WWC2: variants seen among roughly 807,000 people sequenced by gnomAD.
WWC2 encodes the protein protein WWC2.
A neutral mutation model predicts 138.5 loss-of-function variants in WWC2; 101 were observed. The observed-to-expected ratio is 0.73, with a 90% CI of 0.62 to 0.86. WWC2 has a LOEUF of 0.86. Ranked by LOEUF, WWC2 falls within the 40% of genes least tolerant of loss-of-function variation. The pLI is 0.00. For missense variants in WWC2, 1,420 were observed against 1,419.4 expected (o/e 1.00, Z -0.01); for synonymous variants, 558 against 538.4 (o/e 1.04, Z -0.50).
At chr4:183,153,576 A>G (rs1290156576) in intron 1 of WWC2, among the ~76,000 whole-genome samples, 1 of 152,096 alleles carries the variant, frequency 6.6e-6, no homozygotes, top group Non-Finnish European at 1.5e-5. Context: ...TTCATACGAT[A>G]CTAATGTGTT....
At chr4:183,127,734 A>G (rs903938055) in intron 1 of WWC2, among the ~76,000 whole-genome samples, 2 of 152,204 alleles carry the variant, frequency 1.3e-5, no homozygotes, top group African/African-American at 2.4e-5. Flanking sequence ...TCTATATTAT[A>G]TACCTTAAAT....
intron 1 of WWC2, among the ~76,000 whole-genome samples, chr4:183,163,675 A>G (rs1274031810): frequency 6.6e-6 from 1 of 152,166 alleles, no homozygotes; most frequent in African/African-American, 2.4e-5. Context: ...GGTCATTGCT[A>G]AATTACTTTG....
chr4:183,099,811 TC>T (rs1227879954), intron 1 of WWC2, among the ~76,000 whole-genome samples, 189 bp downstream of exon 1: 4 of 151,830 alleles, frequency 2.6e-5, no homozygotes, highest in South Asian at 4.1e-4. Flanking sequence ...CCCACCGGCT[TC>T]CCGACGCCCC....
chr4:183,315,740 TA>T lies in WWC2; in HGVS notation c.*13del, dbSNP rs1408662378. 1 of 1,604,670 alleles carries T rather than the reference TA, an allele frequency of 6.2e-7. No individual in the cohort carries two copies. The highest frequency in any genetic ancestry group is 1.7e-5 in the Admixed American group (1 of 59,354). On this transcript the variant is annotated 3_prime_UTR_variant, in exon 23 of 23. Transcript: ENST00000403733. ...GCTGATGATGTGTGATTACATGACT[TA>T]AGAAATTATTTTTTCATCTGTTCAC...
intron 21 of WWC2, 33 bp from the exon 22 acceptor site, chr4:183,312,308 G>A: frequency 1.2e-6 from 2 of 1,606,934 alleles, no homozygotes; most frequent in South Asian, 2.2e-5. Flanking sequence ...TCAGTGTTTT[G>A]TGTGTTTCTT....
At chr4:183,115,989 T>G (rs1732397072) in intron 1 of WWC2, among the ~76,000 whole-genome samples, 1 of 152,218 alleles carries the variant, frequency 6.6e-6, no homozygotes, top group Non-Finnish European at 1.5e-5. Context: ...CACTTAAGTC[T>G]TTAATCCAGC....
chr4:183,132,646 G>A (rs1301763234), intron 1 of WWC2, among the ~76,000 whole-genome samples: 1 of 151,506 alleles, frequency 6.6e-6, no homozygotes, highest in South Asian at 2.1e-4. Context: ...GTAGAGACGG[G>A]GTTTCACCGT....
intron 1 of WWC2, among the ~76,000 whole-genome samples, chr4:183,186,410 G>A (rs1455373524): frequency 6.6e-6 from 1 of 152,128 alleles, no homozygotes; most frequent in Non-Finnish European, 1.5e-5. Flanking sequence ...GATGGCAGAA[G>A]GGAAATTCTA....
intron 11 of WWC2, among the ~76,000 whole-genome samples, chr4:183,262,761 A>G (rs1325129296): frequency 6.6e-6 from 1 of 152,162 alleles, no homozygotes; most frequent in Non-Finnish European, 1.5e-5. Context: ...GCTTCTGGGA[A>G]GGAGTACGGT....
intron 4 of WWC2, among the ~76,000 whole-genome samples, chr4:183,232,947 C>G (rs982143047): frequency 6.6e-6 from 1 of 151,714 alleles, no homozygotes; most frequent in Non-Finnish European, 1.5e-5. Context: ...TGCGTCCAGC[C>G]GTATTTTATT....
intron 1 of WWC2, among the ~76,000 whole-genome samples, chr4:183,157,961 T>A (rs1257363931): frequency 6.6e-6 from 1 of 152,154 alleles, no homozygotes; most frequent in Non-Finnish European, 1.5e-5. Flanking sequence ...TCCCAAGGTG[T>A]ATTTTTAAGT....
At chr4:183,307,384 T>TGA (rs1366218263) in intron 21 of WWC2, among the ~76,000 whole-genome samples, 1 of 152,142 alleles carries the variant, frequency 6.6e-6, no homozygotes, top group East Asian at 1.9e-4. Context: ...GAAAAAAACT[T>TGA]TATCAACTCT....
chr4:183,174,329 G>A (rs4632701), intron 1 of WWC2, among the ~76,000 whole-genome samples: 149,700 of 152,312 alleles, frequency 0.98, 73,614 homozygotes, highest in Middle Eastern at 1. Context: ...CACACCCTCC[G>A]TCTGAAGTCT....
intron 1 of WWC2, among the ~76,000 whole-genome samples, chr4:183,157,920 A>G (rs1242397129): frequency 1.3e-5 from 2 of 151,796 alleles, no homozygotes; most frequent in East Asian, 3.9e-4. Context: ...TCCCCCAAAC[A>G]GTTGCCTTTC....
intron 1 of WWC2, among the ~76,000 whole-genome samples, chr4:183,136,104 T>G (rs1733105607): frequency 1.3e-5 from 2 of 152,320 alleles, no homozygotes; most frequent in South Asian, 4.1e-4. Flanking sequence ...TTTCTATTGA[T>G]GCTTCTTGAG....
Position 183,125,620 on chromosome 4 carries a change from C to T in WWC2, c.131+25998C>T, listed in dbSNP as rs148932279. The stretch of plus-strand genomic sequence containing the variant: ...GTCTAGTCTTCTTGCTCCTGCCAGT[C>T]CCCATATAACATTAAGCCCTTTGAA... On this transcript the variant is annotated intron_variant, in intron 1 of 22. Transcript: ENST00000403733. 3.9e-3 allele frequency among the ~76,000 whole-genome samples: 597 copies of T among 152,264 alleles called. 3 individuals are homozygous for T. Among genetic ancestry groups the T allele is most frequent in the African/African-American group, 0.014 (572 of 41,558 alleles).
At chr4:183,272,640 T>C (rs1467393710) in intron 16 of WWC2, among the ~76,000 whole-genome samples, 1 of 152,210 alleles carries the variant, frequency 6.6e-6, no homozygotes, top group Non-Finnish European at 1.5e-5. Context: ...TAATCTCTAC[T>C]ACAAGGCAAC....
chr4:183,203,916 T>C (rs953845509), intron 2 of WWC2, among the ~76,000 whole-genome samples: 1 of 152,336 alleles, frequency 6.6e-6, no homozygotes, highest in African/African-American at 2.4e-5. Context: ...GTATGAGTAG[T>C]ACAGTCCAAG....
rs931503869 is a variant in WWC2 at position 183,174,811 on chromosome 4, GTCTC to G, written c.132-18780_132-18777del. 1.9e-4 allele frequency among the ~76,000 whole-genome samples: 29 copies of G among 150,422 alleles called. No homozygotes were observed. The South Asian group carries it at 3.8e-3, about 20-fold the overall frequency. On this transcript the variant is annotated intron_variant, in intron 1 of 22. Transcript: ENST00000403733. Reference sequence around the variant, plus strand: ...CTCCTTCTCCTTTCTCTCTCTCTCTGTCTCTCTCTCTTTTGCGCTCTCTCTCTCT... The same window carrying G: ...CTCCTTCTCCTTTCTCTCTCTCTCTGTCTCTCTTTTGCGCTCTCTCTCTCT...
Sources: allele counts gnomAD v4.1 joint callset (sites outside exome capture counted in the v4.1 genomes callset), GRCh38; gene constraint gnomAD v4.1.1; transcripts MANE v1.5; gene names NCBI Gene and HGNC (gene_info 2026-07-23, HGNC 2026-07-21).